ACER3: variants seen among roughly 807,000 people sequenced by gnomAD.
ACER3 encodes alkaline ceramidase 3.
Under a neutral mutation model 48.9 loss-of-function variants are expected in ACER3, and 16 were observed. The ratio of observed to expected loss-of-function variants is 0.33; its 90% CI spans 0.22 to 0.50. The LOEUF is 0.50. Among genes scored for constraint, ACER3 ranks in the 20% least tolerant of loss-of-function variants. ACER3 has a pLI of 0.98. For missense variants in ACER3, 227 were observed against 326.0 expected (o/e 0.70, Z 2.34); for synonymous variants, 109 against 107.8 (o/e 1.01, Z -0.07).
At chr11:76,943,959 T>C (rs924763659) in intron 2 of ACER3, among the ~76,000 whole-genome samples, 8 of 151,892 alleles carry the variant, frequency 5.3e-5, no homozygotes, top group African/African-American at 1.9e-4. Flanking sequence ...TTTTATCTGA[T>C]ATAAGTATAG....
intron 1 of ACER3, among the ~76,000 whole-genome samples, chr11:76,892,614 C>A (rs1945833646): frequency 6.6e-6 from 1 of 152,082 alleles, no homozygotes; most frequent in African/African-American, 2.4e-5. Flanking sequence ...AAAATAATAT[C>A]TTGTTCCAGT....
chr11:76,892,445 G>T (rs1017097708), intron 1 of ACER3, among the ~76,000 whole-genome samples: 4 of 152,038 alleles, frequency 2.6e-5, no homozygotes, highest in Admixed American at 6.6e-5. Context: ...TGTGTGTGGG[G>T]GTTTAACAAC....
chr11:76,962,632 A>G (rs921299188), intron 3 of ACER3, among the ~76,000 whole-genome samples: 2 of 151,532 alleles, frequency 1.3e-5, no homozygotes, highest in Non-Finnish European at 2.9e-5. Flanking sequence ...ATCCTAGCCA[A>G]TGTCTAGGCT....
chr11:76,948,135 T>C (rs1487731161), intron 2 of ACER3, among the ~76,000 whole-genome samples: 1 of 151,992 alleles, frequency 6.6e-6, no homozygotes, highest in Non-Finnish European at 1.5e-5. Flanking sequence ...AGAAAAAAGG[T>C]ATAAAAGATT....
At chr11:76,975,295 G>T (rs1591018682) in intron 3 of ACER3, among the ~76,000 whole-genome samples, 1 of 152,206 alleles carries the variant, frequency 6.6e-6, no homozygotes, top group Admixed American at 6.5e-5. Context: ...TTGGCACATA[G>T]TGGACATTTT....
At chr11:76,880,771 CA>C in intron 1 of ACER3, among the ~76,000 whole-genome samples, 1 of 152,194 alleles carries the variant, frequency 6.6e-6, no homozygotes, top group Admixed American at 6.5e-5. Flanking sequence ...TATGGCCTGC[CA>C]TGGGGAGAAA....
chr11:76,910,110 C>T (rs1314625012), intron 1 of ACER3, among the ~76,000 whole-genome samples: 1 of 112,286 alleles, frequency 8.9e-6, no homozygotes, highest in Admixed American at 1.1e-4. Flanking sequence ...TCACCACACA[C>T]TGGGGCCTGT....
At chr11:77,008,845 C>T (rs1949206274) in intron 7 of ACER3, among the ~76,000 whole-genome samples, 1 of 152,028 alleles carries the variant, frequency 6.6e-6, no homozygotes, top group Non-Finnish European at 1.5e-5. Flanking sequence ...TACTTGAGCC[C>T]AGGAGTTTGA....
chr11:76,960,175 C>T (rs767698059), intron 3 of ACER3, among the ~76,000 whole-genome samples: 9 of 152,080 alleles, frequency 5.9e-5, no homozygotes, highest in Non-Finnish European at 1.0e-4. Flanking sequence ...CTTTGAGAGG[C>T]GGAGGTGGGT....
chr11:76,982,627 T>G (rs992970804), intron 4 of ACER3, among the ~76,000 whole-genome samples: 2 of 152,216 alleles, frequency 1.3e-5, no homozygotes, highest in African/African-American at 4.8e-5. Context: ...AGTCTGTGAA[T>G]TGTCTTTTCA....
intron 1 of ACER3, among the ~76,000 whole-genome samples, chr11:76,912,663 T>TA (rs1305936975): frequency 6.6e-6 from 1 of 152,056 alleles, no homozygotes; most frequent in Non-Finnish European, 1.5e-5. Context: ...TTGGTCTGAG[T>TA]AATGTGGAGG....
At chr11:76,990,705 G>C in intron 6 of ACER3, 131 bp downstream of exon 6, 3 of 615,940 alleles carry the variant, frequency 4.9e-6, no homozygotes, top group Non-Finnish European at 5.7e-6. Flanking sequence ...AGGAAGTTCA[G>C]TGTTTAAAAG....
intron 2 of ACER3, among the ~76,000 whole-genome samples, chr11:76,958,079 AGCCACTGTGCCCT>A (rs952897897): frequency 6.6e-6 from 1 of 151,814 alleles, no homozygotes; most frequent in African/African-American, 2.4e-5. Flanking sequence ...TACAAGCCTG[AGCCACTGTGCCCT>A]GCCTACAGAA....
At chr11:76,941,671 G>T (rs1019534603) in intron 2 of ACER3, among the ~76,000 whole-genome samples, 15 of 151,804 alleles carry the variant, frequency 9.9e-5, no homozygotes, top group African/African-American at 3.1e-4. Context: ...CTTAGAATAG[G>T]TTTTTTCTAA....
intron 2 of ACER3, among the ~76,000 whole-genome samples, chr11:76,944,300 A>T (rs971263862): frequency 2.0e-5 from 3 of 151,984 alleles, no homozygotes; most frequent in African/African-American, 7.2e-5. Context: ...TATAAGACTT[A>T]TGAGTTTTAT....
rs1002598428 is a variant in ACER3 at position 76,948,227 on chromosome 11, G to A, written c.215-10752G>A. Among the ~76,000 whole-genome samples the A allele has an allele frequency of 1.2e-3, 170 of 141,988 alleles. 2 individuals are homozygous for A. The highest frequency in any genetic ancestry group is 4.1e-3 in the African/African-American group (138 of 33,630). 93.1% of individuals were successfully genotyped at this position (141,988 alleles called of 152,430 possible). On this transcript the variant is annotated intron_variant, in intron 2 of 10. Transcript: ENST00000532485. The stretch of plus-strand genomic sequence containing the variant: ...TGGCTCACTCTGTGTGTGTGTGTGT[G>A]TGTGTGTGTGTGTGTGTGTGTGTGT...
intron 6 of ACER3, among the ~76,000 whole-genome samples, chr11:76,997,638 C>G (rs113017275): frequency 4.0e-4 from 61 of 151,858 alleles, no homozygotes; most frequent in African/African-American, 1.4e-3. Context: ...AAGATTCAGA[C>G]TAGCCTGGGC....
intron 7 of ACER3, among the ~76,000 whole-genome samples, chr11:76,999,081 T>G (rs1565221323): frequency 7.2e-5 from 11 of 152,160 alleles, no homozygotes; most frequent in Admixed American, 7.2e-4. Flanking sequence ...TGGCCTTGTT[T>G]TGAATATTTA....
chr11:77,002,383 G>A (rs1331396174), intron 7 of ACER3, among the ~76,000 whole-genome samples: 2 of 152,094 alleles, frequency 1.3e-5, no homozygotes, highest in Non-Finnish European at 2.9e-5. Context: ...TTATTCTGTA[G>A]TCTGTTAATA....
Sources: allele counts gnomAD v4.1 joint callset (sites outside exome capture counted in the v4.1 genomes callset), GRCh38; gene constraint gnomAD v4.1.1; transcripts MANE v1.5; gene names NCBI Gene and HGNC (gene_info 2026-07-23, HGNC 2026-07-21).